Variants in TCEA2 observed in about 807,000 individuals in gnomAD.
The protein encoded by TCEA2 is transcription elongation factor A protein 2.
A neutral mutation model predicts 40.8 loss-of-function variants in TCEA2; 21 were observed. The observed-to-expected ratio is 0.51, with a 90% confidence interval of 0.36 to 0.74. The LOEUF is 0.74. TCEA2 is among the 30% of genes least tolerant of loss of function. The probability of loss-of-function intolerance (pLI) is 0.00; values close to 1 mark genes in which losing one functional copy is unlikely to be tolerated. For synonymous variants in TCEA2, 165 were observed against 162.7 expected (o/e 1.01, Z -0.11); for missense variants, 326 against 426.5 (o/e 0.76, Z 2.08).
intron 2 of TCEA2, 106 bp from the exon 3 acceptor site, chr20:64,066,809 G>A: frequency 8.7e-7 from 1 of 1,146,100 alleles, no homozygotes; most frequent in South Asian, 1.3e-5. Context: ...ACCTCCCTGG[G>A]AGGTCCCGGG....
At chr20:64,063,049 C>T (rs1394708628), upstream of TCEA2, 2 of 247,156 alleles carry the variant, frequency 8.1e-6, no homozygotes, top group Non-Finnish European at 7.6e-6. Flanking sequence ...ACTACACTTC[C>T]CAGGAGGCTG....
chr20:64,069,325 T>C, intron 4 of TCEA2, 36 bp from the exon 5 acceptor site: 1 of 1,539,992 alleles, frequency 6.5e-7, no homozygotes, highest in Non-Finnish European at 8.8e-7. Flanking sequence ...GCCTGCAGCC[T>C]TGAGTCTGAA....
At chr20:64,071,428 G>C (rs2059832120) in intron 8 of TCEA2, among the ~76,000 whole-genome samples, 1 of 152,118 alleles carries the variant, frequency 6.6e-6, no homozygotes, top group African/African-American at 2.4e-5. Context: ...TGCAAGGACA[G>C]CCTTTCCTTC....
chr20:64,071,564 C>A (rs549422217), intron 8 of TCEA2, among the ~76,000 whole-genome samples: 1 of 152,178 alleles, frequency 6.6e-6, no homozygotes, highest in Non-Finnish European at 1.5e-5. Flanking sequence ...AAGGCAGCCG[C>A]GGGCACTGGG....
chr20:64,065,649 G>T (rs1275884588), intron 1 of TCEA2: 4 of 152,306 alleles, frequency 2.6e-5, no homozygotes, highest in Non-Finnish European at 4.4e-5. Context: ...TGCCGGGCCT[G>T]GTGTGGAAAT....
chr20:64,071,736 AGTC>A (rs2145520052), intron 8 of TCEA2, 131 bp from the exon 9 acceptor site: 1 of 961,140 alleles, frequency 1.0e-6, no homozygotes, highest in East Asian at 2.7e-5. Context: ...GGAAGGTTGG[AGTC>A]ACGAGGCGGC....
chr20:64,063,096 G>GTA (rs2059602392), upstream of TCEA2: 1 of 287,996 alleles, frequency 3.5e-6, no homozygotes, highest in South Asian at 1.5e-4. Context: ...GTGGTCCAGA[G>GTA]CGCGGGCGCG....
upstream of TCEA2, among the ~76,000 whole-genome samples, chr20:64,056,048 G>T (rs2059469871): frequency 6.6e-6 from 1 of 152,014 alleles, no homozygotes. Flanking sequence ...GGAATTGTGT[G>T]GGGGAAGTGC....
Position 64,063,308 on chromosome 20 carries a change from A to C in TCEA2, c.-5A>C. ...ACGGGCGCGGGGGTCGCTGCTCCTG[A>C]GGCGATGATGGGCAAGGAAGAGGAG... On this transcript the variant is annotated 5_prime_UTR_variant, in exon 1 of 10. Coordinates refer to ENST00000343484, the MANE Select transcript of TCEA2 (RefSeq NM_003195.6). 1.3e-6 allele frequency: 2 copies of C among 1,538,118 alleles called. No homozygotes were observed. Among genetic ancestry groups the C allele is most frequent in the Non-Finnish European group, 1.7e-6 (2 of 1,143,136 alleles).
chr20:64,069,333 G>A, intron 4 of TCEA2, 28 bp from the exon 5 acceptor site: 1 of 1,550,692 alleles, frequency 6.4e-7, no homozygotes, highest in Non-Finnish European at 8.7e-7. Flanking sequence ...CCTTGAGTCT[G>A]AACCCAGCTG....
upstream of TCEA2, chr20:64,062,712 G>A (rs186384650): frequency 3.3e-5 from 5 of 152,378 alleles, no homozygotes; most frequent in East Asian, 9.7e-4. Flanking sequence ...AGTGTGCGCG[G>A]GCCTCTTGAA....
rs576568928 is a variant in TCEA2, at chr20:64,058,087, G to A, written c.-84+436G>A. On this transcript the variant is annotated intron_variant, in intron 1 of 10. Coordinates refer to the TCEA2 transcript ENST00000361317. The surrounding 1 kb of genome is among the most constrained non-coding windows in gnomAD (Gnocchi z 6.7). ...CTCCGCCTGCAGTAGTTGCTTCCACGCAGGACTAGAGCATGTCAGGGTTCG... is the reference window on the plus strand; with the variant it reads ...CTCCGCCTGCAGTAGTTGCTTCCACACAGGACTAGAGCATGTCAGGGTTCG... Among the ~76,000 whole-genome samples the A allele has an allele frequency of 5.9e-5, 9 of 152,334 alleles. No individual in the cohort carries two copies. The East Asian group carries it at 1.5e-3, about 26-fold the overall frequency.
chr20:64,062,827 A>T (rs2059593565), upstream of TCEA2: 1 of 152,404 alleles, frequency 6.6e-6, no homozygotes, highest in Non-Finnish European at 1.5e-5. Context: ...GCGGGGCCCA[A>T]GAGAAGGGCT....
Position 64,068,074 on chromosome 20 carries a change from G to C in TCEA2, c.269G>C (p.Arg90Pro), listed in dbSNP as rs756470408. ...LDASDAKARERGRGMPLPTSS... is the reference protein window; with the variant it reads ...LDASDAKAREPGRGMPLPTSS... Reference sequence around the variant, plus strand: ...GCTTCCGATGCCAAAGCCAGGGAGCGGGGGAGGGGCATGCCTCTGCCCACG... The same window carrying C: ...GCTTCCGATGCCAAAGCCAGGGAGCCGGGGAGGGGCATGCCTCTGCCCACG... Residue 90 changes from arginine to proline, a missense_variant, in exon 4 of 10, where the codon CGG becomes CCG. By Grantham distance (103) the Arg-to-Pro change is moderately radical. Transcript: ENST00000343484. The C allele has an allele frequency of 1.2e-6, 2 of 1,607,180 alleles. No individual in the cohort carries two copies. The highest frequency in any genetic ancestry group is 1.1e-5 in the South Asian group (1 of 89,310).
Position 64,072,278 on chromosome 20 carries a change from C to A in TCEA2, c.*98C>A. On this transcript the variant is annotated 3_prime_UTR_variant, in exon 10 of 10. Coordinates refer to ENST00000343484, the MANE Select transcript of TCEA2 (RefSeq NM_003195.6). ...GACCCTAGAAGGCGGCATGTCCTGC[C>A]CTCAACCTGCCTGCCTGGATTGCAC... 1 of 1,308,512 alleles carries A rather than the reference C, an allele frequency of 7.6e-7. No homozygotes were observed. The highest frequency in any genetic ancestry group is 1.1e-6 in the Non-Finnish European group (1 of 931,724). The allele number at this position is 1,308,512 out of a possible 1,614,324, so 81.1% of individuals were successfully genotyped here.
Position 64,063,238 on chromosome 20 carries a change from C to T in TCEA2, c.-75C>T. On this transcript the variant is annotated 5_prime_UTR_variant, in exon 1 of 10. Coordinates refer to ENST00000343484, the MANE Select transcript of TCEA2 (RefSeq NM_003195.6). ...CGGCTGCGGCGGGTGTGGGAGGTGG[C>T]GACGGCCGGGGCCGGGGTCCTGCCC... 2.2e-6 allele frequency: 3 copies of T among 1,336,742 alleles called. No individual in the cohort carries two copies. Among genetic ancestry groups the T allele is most frequent in the South Asian group, 1.7e-5 (1 of 60,482 alleles). The allele number at this position is 1,336,742 out of a possible 1,614,324, so 82.8% of individuals were successfully genotyped here. A position where few individuals can be genotyped will look rare whatever the true frequency, so the allele number is the denominator to read the frequency against.
chr20:64,061,694 A>C (rs1207097313), upstream of TCEA2, among the ~76,000 whole-genome samples: 1 of 151,960 alleles, frequency 6.6e-6, no homozygotes, highest in Non-Finnish European at 1.5e-5. Context: ...TACAGGGGTG[A>C]GCTACTGTGC....
intron 1 of TCEA2, among the ~76,000 whole-genome samples, chr20:64,064,950 G>A (rs1244851382): frequency 2.6e-5 from 4 of 152,098 alleles, no homozygotes; most frequent in Non-Finnish European, 4.4e-5. Flanking sequence ...CATGGAGCCA[G>A]GGGAGGGCTG....
At chr20:64,072,108 G>A (rs966964898) in intron 9 of TCEA2, 64 bp from the exon 10 acceptor site, 39 of 1,607,382 alleles carry the variant, frequency 2.4e-5, no homozygotes, top group East Asian at 4.5e-5. Context: ...GAGCCTGTGC[G>A]GCCTTCCACT....
Sources: allele counts gnomAD v4.1 joint callset (sites outside exome capture counted in the v4.1 genomes callset), GRCh38; gene constraint gnomAD v4.1.1; non-coding constraint Gnocchi (gnomAD v3.1); transcripts MANE v1.5; gene names NCBI Gene and HGNC (gene_info 2026-07-23, HGNC 2026-07-21).